The following CHRNB1 variants were observed in gnomAD, a reference collection of about 807,000 sequenced individuals.
CHRNB1 encodes the protein acetylcholine receptor subunit beta.
In CHRNB1, 47 loss-of-function variants were observed where a neutral mutation model predicts 53.8. The ratio of observed to expected loss-of-function variants is 0.87; its 90% CI spans 0.69 to 1.11. The LOEUF is 1.11. Among genes scored for constraint, CHRNB1 ranks in the 50% most tolerant of loss-of-function variants. CHRNB1 has a pLI of 0.00. For synonymous variants in CHRNB1, 259 were observed against 263.5 expected, an observed-to-expected ratio of 0.98 and a Z score of 0.16; for missense variants, 605 against 654.9, an observed-to-expected ratio of 0.92 and a Z score of 0.83.
intron 3 of CHRNB1, chr17:7,446,479 C>G: frequency 1.9e-6 from 1 of 513,424 alleles, no homozygotes; most frequent in South Asian, 2.2e-5. Context: ...AGCCGTGAGC[C>G]ACTGCACCTG....
intron 9 of CHRNB1, 116 bp downstream of exon 9, chr17:7,455,572 A>C (rs2069941184): frequency 2.2e-6 from 3 of 1,348,678 alleles, no homozygotes; most frequent in Non-Finnish European, 3.2e-6. Flanking sequence ...GCATCATGGG[A>C]GTTGTAGTAC....
In CHRNB1 at chr17:7,448,768, T is replaced by C. The variant is rs1260675456; in HGVS notation, c.800T>C (p.Phe267Ser). Reference protein sequence around the residue: ...ILITLLAIFVFYLPPDAGEKM... With the variant: ...ILITLLAIFVSYLPPDAGEKM... ...ATCACTCTTCTGGCCATCTTCGTCT[T>C]CTACCTGCCACCAGATGCAGGTAAT... The change falls in exon 7 of 11, where the codon TTC (phenylalanine) becomes TCC (serine). Residue 267 changes from phenylalanine (F) to serine (S), a missense_variant. Transcript: ENST00000306071. 1 of 1,614,240 alleles carries C rather than the reference T, an allele frequency of 6.2e-7. No homozygotes were observed. The highest frequency in any genetic ancestry group is 1.3e-5 in the African/African-American group (1 of 75,054).
Position 7,445,810 on chromosome 17 carries a change from C to G in CHRNB1, c.199-259C>G. ...GTGGATTATGAGCTGAAGGCAGGGC[C>G]GGGGACAGAGCTAGGCGGAGGGCTA... On this transcript the variant is annotated intron_variant, in intron 2 of 10. Coordinates refer to ENST00000306071, the MANE Select transcript of CHRNB1 (RefSeq NM_000747.3). This position sits in a 1 kb window ranked among gnomAD's most constrained non-coding sequence, Gnocchi z 5.7. The G allele has an allele frequency of 4.9e-6, 3 of 617,594 alleles. No individual in the cohort carries two copies. The highest frequency in any genetic ancestry group is 8.5e-6 in the Non-Finnish European group (3 of 354,240). The allele number at this position is 617,594 out of a possible 1,614,324, so 38.3% of individuals were successfully genotyped here. A position where few individuals can be genotyped will look rare whatever the true frequency, so the allele number is the denominator to read the frequency against.
chr17:7,445,283 G>A lies in CHRNB1; in HGVS notation c.72G>A (p.Ser24=). 6.2e-7 allele frequency: 1 copy of A among 1,612,652 alleles called. No homozygotes were observed. Among genetic ancestry groups the A allele is most frequent in the South Asian group, 1.1e-5 (1 of 91,016 alleles). ...CTCCTCCCCCAGGCGTCCGCGGCTC[G>A]GAGGCGGAGGGTCGACTCCGGGAGA... ...GAPLAPGVRG[S]EAEGRLREKL... Residue 24 remains serine (S), a synonymous_variant, in exon 2 of 11, where the codon TCG becomes TCA. Coordinates refer to ENST00000306071, the MANE Select transcript of CHRNB1 (RefSeq NM_000747.3). The surrounding 1 kb of genome is among the most constrained non-coding windows in gnomAD (Gnocchi z 5.7).
At chr17:7,456,440 A>G in intron 10 of CHRNB1, 143 bp from the exon 11 acceptor site, 1 of 981,100 alleles carries the variant, frequency 1.0e-6, no homozygotes. Flanking sequence ...CATTGCCTGC[A>G]GTCTCGCTCT....
intron 3 of CHRNB1, chr17:7,446,331 G>GTGTCTC (rs1312304333): frequency 4.6e-5 from 8 of 172,492 alleles, no homozygotes; most frequent in African/African-American, 2.6e-4. Flanking sequence ...GTGTGTCTGT[G>GTGTCTC]TGTGTGTGTG....
At chr17:7,452,190 G>T (rs1908917157) in intron 7 of CHRNB1, among the ~76,000 whole-genome samples, 2 of 151,868 alleles carry the variant, frequency 1.3e-5, no homozygotes, top group Non-Finnish European at 2.9e-5. Flanking sequence ...CGAGTAGCTG[G>T]GATTCCAGTC....
intron 6 of CHRNB1, among the ~76,000 whole-genome samples, chr17:7,447,855 A>C (rs1597749959): frequency 6.6e-6 from 1 of 152,090 alleles, no homozygotes; most frequent in Admixed American, 6.6e-5. Context: ...AGGCGGGCGG[A>C]TCATTTGAGG....
At chr17:7,452,340 G>A (rs12602551) in intron 7 of CHRNB1, among the ~76,000 whole-genome samples, 24,891 of 152,190 alleles carry the variant, frequency 0.16, 2,222 homozygotes, top group South Asian at 0.21. Flanking sequence ...TTACAGGCAT[G>A]AGCCACCGCA....
intron 3 of CHRNB1, 130 bp from the exon 4 acceptor site, chr17:7,446,703 G>A (rs1045081078): frequency 1.4e-6 from 1 of 693,890 alleles, no homozygotes. Context: ...CCAGAACCAC[G>A]GCCCCTTGAC....
Position 7,446,964 on chromosome 17 carries a change from G to A in CHRNB1, c.353+22G>A, listed in dbSNP as rs777940832. ...ACAAGTAGGAGAACTTCCAAAGCCC[G>A]GGAGGTGGCGCGGGGCCTCGGGGGG... On this transcript the variant is annotated intron_variant, in intron 4 of 10. Coordinates refer to ENST00000306071, the MANE Select transcript of CHRNB1 (RefSeq NM_000747.3). 7 of 1,610,894 alleles carry A rather than the reference G, an allele frequency of 4.3e-6. No homozygotes were observed. In the African/African-American group the frequency reaches 8.0e-5, roughly 18 times the overall value.
chr17:7,446,992 G>T, intron 4 of CHRNB1, 50 bp downstream of exon 4: 2 of 1,604,952 alleles, frequency 1.2e-6, no homozygotes, highest in South Asian at 1.1e-5. Context: ...TCGGGGGGCG[G>T]GGGGCCTCCG....
chr17:7,447,073 C>A lies in CHRNB1; in HGVS notation c.384C>A (p.Asp128Glu), dbSNP rs1908667992. 1 of 1,614,214 alleles carries A rather than the reference C, an allele frequency of 6.2e-7. No homozygotes were observed. The highest frequency in any genetic ancestry group is 1.3e-5 in the African/African-American group (1 of 75,076). The change falls in exon 5 of 11, where the codon GAC (aspartate) becomes GAA (glutamate). Residue 128 changes from aspartate (D) to glutamate (E), a missense_variant. Transcript: ENST00000306071. ...NNDGNFDVAL[D>E]ISVVVSSDGS... ...ATGGGAATTTTGACGTGGCTCTGGACATTAGCGTCGTGGTGTCCTCCGACG... is the reference window on the plus strand; with the variant it reads ...ATGGGAATTTTGACGTGGCTCTGGAAATTAGCGTCGTGGTGTCCTCCGACG...
At chr17:7,446,323 G>GTC (rs759595210) in intron 3 of CHRNB1, 4 of 165,110 alleles carry the variant, frequency 2.4e-5, no homozygotes, top group African/African-American at 6.2e-5. Flanking sequence ...GTGTGTGTGT[G>GTC]TGTCTGTGTG....
chr17:7,450,336 G>A (rs925603296), intron 7 of CHRNB1, among the ~76,000 whole-genome samples: 9 of 151,922 alleles, frequency 5.9e-5, no homozygotes, highest in African/African-American at 2.2e-4. Flanking sequence ...TAGAGATGGG[G>A]TTTCACTATG....
Position 7,448,853 on chromosome 17 carries a change from T to C in CHRNB1, c.820+65T>C, listed in dbSNP as rs1017741112. 3.9e-6 allele frequency: 6 copies of C among 1,554,570 alleles called. No homozygotes were observed. The African/African-American group carries it at 6.8e-5, about 18-fold the overall frequency. ...TCAGCTTCTTACTCTTTATCCTTAA[T>C]CCAGGCAGGGTTTTCCTGCCAATCC... is the stretch of plus-strand genomic sequence containing the variant. On this transcript the variant is annotated intron_variant, in intron 7 of 10. Coordinates refer to ENST00000306071, the MANE Select transcript of CHRNB1 (RefSeq NM_000747.3).
intron 8 of CHRNB1, among the ~76,000 whole-genome samples, chr17:7,454,844 C>T (rs909869474): frequency 4.1e-5 from 5 of 121,028 alleles, no homozygotes; most frequent in Non-Finnish European, 6.3e-5. Context: ...GTTCTTGTGG[C>T]CAGGCTGGAG....
intron 7 of CHRNB1, among the ~76,000 whole-genome samples, chr17:7,449,383 G>A (rs1331988772): frequency 4.8e-5 from 7 of 146,326 alleles, no homozygotes; most frequent in East Asian, 2.1e-4. Context: ...GATTACAGTC[G>A]TGAGCCACAG....
intron 5 of CHRNB1, 97 bp from the exon 6 acceptor site, chr17:7,447,406 A>G (rs965579504): frequency 2.1e-6 from 3 of 1,443,292 alleles, no homozygotes; most frequent in East Asian, 2.3e-5. Context: ...CAATTCCTCC[A>G]TGATTTCCCT....
Sources: gnomAD v4.1 joint callset for allele counts (sites outside exome capture counted in the v4.1 genomes callset) on GRCh38, gnomAD v4.1.1 for gene constraint, Gnocchi (gnomAD v3.1) non-coding constraint, MANE v1.5 for transcripts, NCBI Gene and HGNC (gene_info 2026-07-23, HGNC 2026-07-21) for gene names.